Variants in UNC13D observed in about 807,000 individuals in gnomAD.
UNC13D encodes protein unc-13 homolog D.
A neutral mutation model predicts 151.7 loss-of-function variants in UNC13D; 115 were observed. The observed-to-expected ratio is 0.76, with a 90% confidence interval of 0.65 to 0.88. The LOEUF (loss-of-function observed/expected upper bound fraction) is 0.88. UNC13D is among the 40% of genes least tolerant of loss of function. The probability of loss-of-function intolerance (pLI) is 0.00; values close to 1 mark genes in which losing one functional copy is unlikely to be tolerated. For synonymous variants in UNC13D, 588 were observed against 612.2 expected (o/e 0.96, Z 0.58); for missense variants, 1,369 against 1,438.7 (o/e 0.95, Z 0.78).
At chr17:75,837,230 TA>T (rs1380886700) in intron 12 of UNC13D, among the ~76,000 whole-genome samples, 5 of 151,554 alleles carry the variant, frequency 3.3e-5, no homozygotes, top group Non-Finnish European at 7.4e-5. Context: ...CATGCCCAGC[TA>T]AATTTTTTAT....
chr17:75,832,440 G>T lies in UNC13D; in HGVS notation c.2447+526C>A, dbSNP rs78053874. The stretch of plus-strand genomic sequence containing the variant: ...TGATGAAGCCGGAGTCTGAACCCAG[G>T]TGGTCCAGAGCCCATGTGCTGGACT... On this transcript the variant is annotated intron_variant, in intron 25 of 31. Transcript: ENST00000207549. This position sits in a 1 kb window ranked among gnomAD's most constrained non-coding sequence, Gnocchi z 4.3. The T allele has an allele frequency of 0.011, 1,689 of 155,246 alleles. 28 individuals are homozygous for T. The highest frequency in any genetic ancestry group is 0.039 in the African/African-American group (1,638 of 41,598). 9.6% of individuals were successfully genotyped at this position (155,246 alleles called of 1,614,324 possible). A position where few individuals can be genotyped will look rare whatever the true frequency, so the allele number is the denominator to read the frequency against.
At chr17:75,834,264 C>T in intron 23 of UNC13D, 61 bp downstream of exon 23, 1 of 1,583,438 alleles carries the variant, frequency 6.3e-7, no homozygotes. Context: ...CCAGGTGCTG[C>T]TGGAGCCAGG....
rs199536082 is a variant in UNC13D, at chr17:75,836,327, C to T, written c.1389+12G>A. 1.3e-4 allele frequency: 214 copies of T among 1,613,752 alleles called. No individual in the cohort carries two copies. In the African/African-American group the frequency reaches 2.4e-3, roughly 18 times the overall value. ...GCGCTGGTCTCCCCCATCCCCAGCG[C>T]GAGTACCATACCTGCAGGGCCTCAG... On this transcript the variant is annotated intron_variant, in intron 15 of 31. Coordinates refer to ENST00000207549, the MANE Select transcript of UNC13D (RefSeq NM_199242.3).
chr17:75,836,594 C>G lies in UNC13D; in HGVS notation c.1276G>C (p.Ala426Pro). 1 of 1,613,752 alleles carries G rather than the reference C, an allele frequency of 6.2e-7. No individual in the cohort carries two copies. The highest frequency in any genetic ancestry group is 8.5e-7 in the Non-Finnish European group (1 of 1,180,020). ...VFPLSVSDSPARLQSLLRVLV... is the reference protein window; with the variant it reads ...VFPLSVSDSPPRLQSLLRVLV... Reference sequence around the variant, plus strand: ...GACCTGAGAAGAGACTGCAGCCGGGCTGGGGAGTCCGAGACAGAGAGGGGG... The same window carrying G: ...GACCTGAGAAGAGACTGCAGCCGGGGTGGGGAGTCCGAGACAGAGAGGGGG... The change falls in exon 14 of 32, where the codon GCC becomes CCC. Residue 426 changes from alanine (A) to proline (P), a missense_variant. Transcript: ENST00000207549.
At chr17:75,838,969 T>G (rs1028998660) in intron 12 of UNC13D, among the ~76,000 whole-genome samples, 73 of 151,938 alleles carry the variant, frequency 4.8e-4, no homozygotes, top group Admixed American at 7.9e-4. Context: ...GCGCGGTGGC[T>G]GGCGCCTGTA....
rs1462252996 is a variant in UNC13D, at chr17:75,836,070, G to A, written c.1486C>T (p.Gln496Ter). 1.9e-6 allele frequency: 3 copies of A among 1,613,696 alleles called. No individual in the cohort carries two copies. The highest frequency in any genetic ancestry group is 4.5e-5 in the East Asian group (2 of 44,898). The stretch of plus-strand genomic sequence containing the variant: ...TGGTGCAGGTCGCCAATGACATCCT[G>A]TACCAGGCCCAGCAAGGCCTTGCCT... ...EAGKALLGLV[Q>*]DVIGDLHQCQ... The change falls in exon 17 of 32, where the codon CAG (glutamine) becomes TAG (stop). Residue 496 changes from glutamine (Q) to a stop codon, truncating the protein, a stop_gained. Coordinates refer to ENST00000207549, the MANE Select transcript of UNC13D (RefSeq NM_199242.3). LOFTEE classifies it high-confidence loss of function.
chr17:75,841,803 C>T (rs1003008938), intron 6 of UNC13D, among the ~76,000 whole-genome samples: 8 of 147,960 alleles, frequency 5.4e-5, no homozygotes, highest in African/African-American at 2.0e-4. Context: ...GGCTGGAGTG[C>T]AGTGGTGCTA....
chr17:75,831,196 A>C (rs1168565138), intron 26 of UNC13D, 27 bp from the exon 27 acceptor site: 1 of 1,614,020 alleles, frequency 6.2e-7, no homozygotes, highest in African/African-American at 1.3e-5. Flanking sequence ...AGGTGACCCC[A>C]GGCACCCTCC....
chr17:75,842,751 A>G, intron 5 of UNC13D, 106 bp downstream of exon 5: 1 of 1,591,138 alleles, frequency 6.3e-7, no homozygotes, highest in Non-Finnish European at 8.6e-7. Context: ...CCAGCGCTAC[A>G]GGGCTTCTTG....
At chr17:75,829,423 G>A (rs1273526988) in intron 30 of UNC13D, among the ~76,000 whole-genome samples, 1 of 151,986 alleles carries the variant, frequency 6.6e-6, no homozygotes, top group Non-Finnish European at 1.5e-5. Context: ...AGCCTCCCGA[G>A]TAGCTGGGAC....
chr17:75,827,312 G>T lies in UNC13D; in HGVS notation c.*653C>A. ...GGTGCTGTCCGGGGAGGGGGCGTGC[G>T]CAGCAGACACAGCAGCCAAACTGTC... On this transcript the variant is annotated 3_prime_UTR_variant, in exon 32 of 32. Transcript: ENST00000207549. 1.4e-6 allele frequency: 1 copy of T among 738,562 alleles called. No homozygotes were observed. The highest frequency in any genetic ancestry group is 2.0e-6 in the Non-Finnish European group (1 of 509,300). 45.8% of individuals were successfully genotyped at this position (738,562 alleles called of 1,614,324 possible). A position where few individuals can be genotyped will look rare whatever the true frequency, so the allele number is the denominator to read the frequency against.
chr17:75,839,922 G>T lies in UNC13D; in HGVS notation c.972C>A (p.Asp324Glu), dbSNP rs368990813. 6.2e-7 allele frequency: 1 copy of T among 1,613,618 alleles called. No individual in the cohort carries two copies. The highest frequency in any genetic ancestry group is 8.5e-7 in the Non-Finnish European group (1 of 1,179,994). ...TGGCAGCCTGGGGACTCAGCGACCC[G>T]TCCCAGGAGGTGCTTCCCGCCTGAG... Reference protein sequence around the residue: ...TQHEAGSTSWDGSLSPQAATV... With the variant: ...TQHEAGSTSWEGSLSPQAATV... Residue 324 changes from aspartate (D) to glutamate (E), a missense_variant, in exon 12 of 32, where the codon GAC becomes GAA. Physicochemically the swap from Asp to Glu is conservative, Grantham distance 45 (BLOSUM62 2). Coordinates refer to ENST00000207549, the MANE Select transcript of UNC13D (RefSeq NM_199242.3).
chr17:75,830,331 T>A, intron 29 of UNC13D, 31 bp downstream of exon 29: 1 of 1,588,238 alleles, frequency 6.3e-7, no homozygotes, highest in Non-Finnish European at 8.6e-7. Flanking sequence ...GACGGGACCA[T>A]GGAGAGTGGC....
rs756041281 is a variant in UNC13D, at chr17:75,844,255, T to A, written c.83A>T (p.Asp28Val). Reference protein sequence around the residue: ...AIKIRRRRVRDLQDPPPQMAP... With the variant: ...AIKIRRRRVRVLQDPPPQMAP... ...CATTTGGGGCGGGGGATCCTGTAGATCTCTGACTCTGCGGCGCCTTATCTT... is the reference window on the plus strand; with the variant it reads ...CATTTGGGGCGGGGGATCCTGTAGAACTCTGACTCTGCGGCGCCTTATCTT... The change falls in exon 1 of 32, where the codon GAT (aspartate) becomes GTT (valine). Residue 28 changes from aspartate (D) to valine (V), a missense_variant. Around this residue, in one of 3 missense-constraint regions of UNC13D, gnomAD observed 550 missense variants for 609.0 expected, o/e 0.90. Transcript: ENST00000207549. The A allele has an allele frequency of 6.2e-7, 1 of 1,612,534 alleles. No individual in the cohort carries two copies. The highest frequency in any genetic ancestry group is 1.1e-5 in the South Asian group (1 of 91,080).
At chr17:75,830,233 C>A in intron 29 of UNC13D, 82 bp from the exon 30 acceptor site, 1 of 1,555,670 alleles carries the variant, frequency 6.4e-7, no homozygotes, top group Non-Finnish European at 8.7e-7. Flanking sequence ...CTCAGCGGCA[C>A]TGACCCCTCC....
chr17:75,839,602 G>T (rs548137461), intron 12 of UNC13D, among the ~76,000 whole-genome samples: 2 of 152,152 alleles, frequency 1.3e-5, no homozygotes, highest in East Asian at 3.9e-4. Flanking sequence ...TGAAATCCTG[G>T]GCTCAAGTGA....
intron 27 of UNC13D, 25 bp downstream of exon 27, chr17:75,831,073 G>C: frequency 6.2e-7 from 1 of 1,613,390 alleles, no homozygotes; most frequent in Non-Finnish European, 8.5e-7. Context: ...GACTTCCTAC[G>C]GGGAAGCTCA....
At chr17:75,842,072 G>T (rs2064953444) in intron 6 of UNC13D, among the ~76,000 whole-genome samples, 1 of 152,050 alleles carries the variant, frequency 6.6e-6, no homozygotes, top group Non-Finnish European at 1.5e-5. Context: ...GTAGAGATGG[G>T]GTTTTGCCAT....
chr17:75,838,386 T>G (rs1244323276), intron 12 of UNC13D, among the ~76,000 whole-genome samples: 3 of 151,974 alleles, frequency 2.0e-5, no homozygotes, highest in Admixed American at 6.6e-5. Context: ...ACCTGACTAA[T>G]TTTTCTATAT....
Sources: allele counts gnomAD v4.1 joint callset (sites outside exome capture counted in the v4.1 genomes callset), GRCh38; gene constraint gnomAD v4.1.1; regional missense constraint gnomAD v4.1.1; non-coding constraint Gnocchi (gnomAD v3.1); transcripts MANE v1.5; gene names NCBI Gene and HGNC (gene_info 2026-07-23, HGNC 2026-07-21).